The following PCDH15 variants were observed in gnomAD, a reference collection of about 807,000 sequenced individuals.
PCDH15 encodes the protein protocadherin related 15, also known as protocadherin-15.
A neutral mutation model predicts 178.5 loss-of-function variants in PCDH15; 129 were observed. The observed-to-expected ratio is 0.72, with a 90% CI of 0.63 to 0.84. The LOEUF (loss-of-function observed/expected upper bound fraction) is 0.84, where lower values mean the gene tolerates loss of function less well. PCDH15 is among the 40% of genes least tolerant of loss of function. PCDH15 has a pLI of 0.00. For synonymous variants in PCDH15, 800 were observed against 732.0 expected (o/e 1.09, Z -1.50); for missense variants, 2,230 against 2,099.9 (o/e 1.06, Z -1.21).
At chr10:55,552,013 A>G (rs964869661) in intron 2 of PCDH15, among the ~76,000 whole-genome samples, 4 of 151,768 alleles carry the variant, frequency 2.6e-5, no homozygotes, top group African/African-American at 9.7e-5. Context: ...CGCTAAAAAG[A>G]CAAGTGAAAA....
chr10:55,319,444 G>A (rs904686605), intron 1 of PCDH15, among the ~76,000 whole-genome samples: 2 of 151,984 alleles, frequency 1.3e-5, no homozygotes, highest in Non-Finnish European at 2.9e-5. Context: ...CTAACTAGAG[G>A]GTGGCAAGAT....
At chr10:53,878,538 A>AT (rs560977914) in intron 26 of PCDH15, among the ~76,000 whole-genome samples, 1,990 of 146,324 alleles carry the variant, frequency 0.014, 40 homozygotes, top group African/African-American at 0.047. Flanking sequence ...ATATATATAT[A>AT]ATAAAACACT....
At chr10:55,328,992 A>G (rs1844120073) in intron 2 of PCDH15, among the ~76,000 whole-genome samples, 1 of 136,536 alleles carries the variant, frequency 7.3e-6, no homozygotes, top group Non-Finnish European at 1.6e-5. Context: ...TTGGAAATAT[A>G]TTCCATTTTC....
chr10:54,730,487 C>T (rs1248188336), intron 1 of PCDH15, among the ~76,000 whole-genome samples: 1 of 151,474 alleles, frequency 6.6e-6, no homozygotes, highest in Non-Finnish European at 1.5e-5. Flanking sequence ...TACACCAAGC[C>T]CCCATGGCAT....
At chr10:54,182,070 G>A (rs2048034730) in intron 13 of PCDH15, among the ~76,000 whole-genome samples, 1 of 152,102 alleles carries the variant, frequency 6.6e-6, no homozygotes, top group African/African-American at 2.4e-5. Flanking sequence ...CAATTCTCCT[G>A]CCTCAGCCTC....
rs61853571 is a variant in PCDH15 at position 54,421,908 on chromosome 10, T to C, written c.158-42966A>G. Among the ~76,000 whole-genome samples the C allele has an allele frequency of 2.5e-4, 23 of 91,430 alleles. 2 individuals are homozygous for C. Among genetic ancestry groups the C allele is most frequent in the East Asian group, 2.1e-3 (10 of 4,656 alleles). The allele number at this position is 91,430 out of a possible 152,430, so 60.0% of individuals were successfully genotyped here. A position where few individuals can be genotyped will look rare whatever the true frequency, so the allele number is the denominator to read the frequency against. On this transcript the variant is annotated intron_variant, in intron 3 of 37. Transcript: ENST00000644397. ...TACACACACACACTATATATATATA[T>C]ACACTATATATATATATACACTATA... is the stretch of plus-strand genomic sequence containing the variant.
At chr10:55,286,653 T>C (rs1842878672) in intron 1 of PCDH15, among the ~76,000 whole-genome samples, 1 of 151,974 alleles carries the variant, frequency 6.6e-6, no homozygotes, top group African/African-American at 2.4e-5. Flanking sequence ...ATTTTAAAAC[T>C]TGGCCAAGTC....
At chr10:55,296,495 C>T (rs1319745437) in intron 1 of PCDH15, among the ~76,000 whole-genome samples, 2 of 152,148 alleles carry the variant, frequency 1.3e-5, no homozygotes, top group Non-Finnish European at 2.9e-5. Context: ...TAGTAAATTC[C>T]AAAGGTTTTT....
At chr10:54,705,161 T>A (rs1360536355) in intron 1 of PCDH15, among the ~76,000 whole-genome samples, 1 of 152,204 alleles carries the variant, frequency 6.6e-6, no homozygotes, top group East Asian at 1.9e-4. Context: ...GAGACACTGA[T>A]GCCTACTTGA....
chr10:53,840,422 T>A lies in PCDH15; in HGVS notation c.3881A>T (p.His1294Leu). 1 of 1,614,120 alleles carries A rather than the reference T, an allele frequency of 6.2e-7. No individual in the cohort carries two copies. The highest frequency in any genetic ancestry group is 2.2e-5 in the East Asian group (1 of 44,876). ...VVVESIGARRHGDAFSLEDYT... is the reference protein window; with the variant it reads ...VVVESIGARRLGDAFSLEDYT... ...ATCTTCTAGGGAAAAGGCATCTCCATGCCGGCGAGCTCCAATGGACTCCAC... is the reference window on the plus strand; with the variant it reads ...ATCTTCTAGGGAAAAGGCATCTCCAAGCCGGCGAGCTCCAATGGACTCCAC... Residue 1294 changes from histidine (H) to leucine (L), a missense_variant, in exon 29 of 38, where the codon CAT becomes CTT. Coordinates refer to ENST00000644397, the MANE Select transcript of PCDH15 (RefSeq NM_001384140.1).
At chr10:54,120,983 T>A (rs2095208683) in intron 15 of PCDH15, among the ~76,000 whole-genome samples, 1 of 151,434 alleles carries the variant, frequency 6.6e-6, no homozygotes. Context: ...CACCACAGAA[T>A]ATACATTCTT....
intron 1 of PCDH15, among the ~76,000 whole-genome samples, chr10:55,307,894 G>A (rs1843473042): frequency 1.3e-5 from 2 of 151,816 alleles, no homozygotes; most frequent in South Asian, 4.2e-4. Context: ...TATTACTAAC[G>A]AGAGAGAAAA....
In PCDH15 at chr10:53,926,094, A is replaced by G. The variant is rs191000753; in HGVS notation, c.3373+12721T>C. On this transcript the variant is annotated intron_variant, in intron 25 of 37. Transcript: ENST00000644397. ...TCTTCCTTTCTCTTTATAACCAGTC[A>G]TCAAGTCCTACCAACTTCTCTTTTG... Among the ~76,000 whole-genome samples the G allele has an allele frequency of 9.9e-4, 151 of 152,304 alleles. 1 individual carries two copies. The highest frequency in any genetic ancestry group is 2.5e-4 in the Non-Finnish European group (17 of 68,032).
chr10:54,178,496 T>C (rs2047659410), intron 13 of PCDH15, among the ~76,000 whole-genome samples: 1 of 151,974 alleles, frequency 6.6e-6, no homozygotes, highest in South Asian at 2.1e-4. Flanking sequence ...AGAGAGATTA[T>C]TGCATCAAAA....
At chr10:55,431,741 T>A (rs1449278255) in intron 2 of PCDH15, among the ~76,000 whole-genome samples, 1 of 152,116 alleles carries the variant, frequency 6.6e-6, no homozygotes, top group African/African-American at 2.4e-5. Context: ...TTTAATGGAA[T>A]ATTTCATGTA....
intron 17 of PCDH15, among the ~76,000 whole-genome samples, chr10:54,072,475 G>C (rs1398012991): frequency 6.6e-6 from 1 of 151,956 alleles, no homozygotes; most frequent in Non-Finnish European, 1.5e-5. Context: ...ATAAAATCTA[G>C]AATTTCTTTG....
chr10:53,965,264 T>C (rs1228130959), intron 21 of PCDH15, among the ~76,000 whole-genome samples: 12 of 152,210 alleles, frequency 7.9e-5, no homozygotes, highest in Admixed American at 5.9e-4. Context: ...TTCACTATGT[T>C]GGCCAGCCAG....
rs1007694502 is a variant in PCDH15 at position 54,069,405 on chromosome 10, A to G, written c.2092-2520T>C. Among the ~76,000 whole-genome samples the G allele has an allele frequency of 6.6e-5, 10 of 152,216 alleles. No individual in the cohort carries two copies. In the East Asian group the frequency reaches 1.2e-3, roughly 18 times the overall value. On this transcript the variant is annotated intron_variant, in intron 17 of 37. Transcript: ENST00000644397. The stretch of plus-strand genomic sequence containing the variant: ...GATCACTAAGTAAACTAAGAAGTCA[A>G]ATAACAATTCCATAATTTTGTGCTA...
At chr10:54,925,277 T>A (rs1217555414) in intron 2 of PCDH15, among the ~76,000 whole-genome samples, 1 of 152,128 alleles carries the variant, frequency 6.6e-6, no homozygotes, top group Non-Finnish European at 1.5e-5. Flanking sequence ...CATTTCTGGG[T>A]TCTCGATTCT....
Sources: allele counts gnomAD v4.1 joint callset (sites outside exome capture counted in the v4.1 genomes callset), GRCh38; gene constraint gnomAD v4.1.1; transcripts MANE v1.5; gene names NCBI Gene and HGNC (gene_info 2026-07-23, HGNC 2026-07-21).